The following MSI2 variants were observed in gnomAD, a reference collection of about 807,000 sequenced individuals.
MSI2 encodes the protein musashi RNA binding protein 2.
A neutral mutation model predicts 45.6 loss-of-function variants in MSI2; 17 were observed. That is an observed-to-expected ratio of 0.37 (90% CI 0.26 to 0.56). The LOEUF (loss-of-function observed/expected upper bound fraction) is 0.56, where lower values mean the gene tolerates loss of function less well. MSI2 is among the 20% of genes least tolerant of loss of function. MSI2 has a pLI of 0.77. For synonymous variants in MSI2, 156 were observed against 158.2 expected (o/e 0.99, Z 0.11); for missense variants, 293 against 444.2 (o/e 0.66, Z 3.06).
chr17:57,477,145 GGTGT>G (rs59127306), intron 6 of MSI2, among the ~76,000 whole-genome samples: 11,236 of 118,298 alleles, frequency 0.095, 676 homozygotes, highest in African/African-American at 0.16. Context: ...CATAAGGCCT[GGTGT>G]GTGTGTGTGT....
At position 57,554,242 on chromosome 17, in the gene MSI2, G is replaced by A. The variant is rs375081121; in HGVS notation, c.454+24518G>A. On this transcript the variant is annotated intron_variant, in intron 7 of 13. Coordinates refer to ENST00000284073, the MANE Select transcript of MSI2 (RefSeq NM_138962.4). ...ATCAAGAGTTTGGGGCGGGGGAGGG[G>A]GGGGATGGTTCTTAAAAATGCAGAG... Among the ~76,000 whole-genome samples, 6 of 152,064 alleles carry A rather than the reference G, an allele frequency of 3.9e-5. No individual in the cohort carries two copies. The East Asian group carries it at 1.2e-3, about 29-fold the overall frequency.
At chr17:57,632,967 C>A (rs1909531777) in intron 10 of MSI2, 5 of 1,051,772 alleles carry the variant, frequency 4.8e-6, no homozygotes, top group South Asian at 9.1e-5. Context: ...TTTCAAAGAA[C>A]AAATCTGTAT....
intron 5 of MSI2, among the ~76,000 whole-genome samples, chr17:57,314,700 T>C (rs925465333): frequency 2.7e-5 from 4 of 150,244 alleles, no homozygotes; most frequent in Non-Finnish European, 4.4e-5. Flanking sequence ...GCCTCCCGAA[T>C]AGCTGGGATT....
intron 5 of MSI2, among the ~76,000 whole-genome samples, chr17:57,320,731 G>A (rs555363211): frequency 3.3e-5 from 5 of 152,244 alleles, no homozygotes; most frequent in Admixed American, 6.5e-5. Context: ...CCCTGGCCCC[G>A]TCTTAGGGTA....
intron 7 of MSI2, among the ~76,000 whole-genome samples, chr17:57,561,820 C>G: frequency 6.6e-6 from 1 of 152,140 alleles, no homozygotes; most frequent in East Asian, 1.9e-4. Flanking sequence ...TGGAAGGTGC[C>G]TACCTAAGCA....
At chr17:57,276,605 G>A (rs930468973) in intron 5 of MSI2, among the ~76,000 whole-genome samples, 12 of 152,218 alleles carry the variant, frequency 7.9e-5, no homozygotes, top group Admixed American at 6.5e-4. Flanking sequence ...AGAACTTGAG[G>A]GAGGAACAAG....
Position 57,652,118 on chromosome 17 carries a change from T to C in MSI2, c.747T>C (p.Tyr249=), listed in dbSNP as rs779411518. 3.1e-6 allele frequency: 5 copies of C among 1,614,006 alleles called. No homozygotes were observed. The African/African-American group carries it at 4.0e-5, about 13-fold the overall frequency. The part of the protein sequence containing the change: ...YQFPGFPAAA[Y]GPVAAAAVAA... ...GACCAGGCTTCCCAGCAGCGGCTTA[T>C]GGACCAGTGGCAGCAGCGGCGGTGG... Residue 249 remains tyrosine, a synonymous_variant, in exon 11 of 14, where the codon TAT becomes TAC. Transcript: ENST00000284073. This position sits in a 1 kb window ranked among gnomAD's most constrained non-coding sequence, Gnocchi z 4.1.
intron 8 of MSI2, among the ~76,000 whole-genome samples, chr17:57,606,855 G>C (rs1021844885): frequency 2.0e-5 from 3 of 151,980 alleles, no homozygotes; most frequent in African/African-American, 2.4e-5. Flanking sequence ...CTTGAGGGTT[G>C]GGTGGAGAGT....
At chr17:57,490,684 G>C (rs2085852835) in intron 6 of MSI2, among the ~76,000 whole-genome samples, 1 of 152,170 alleles carries the variant, frequency 6.6e-6, no homozygotes. Flanking sequence ...CATGTTTCAA[G>C]ATATCACAGG....
At chr17:57,445,875 G>A (rs995636109) in intron 6 of MSI2, among the ~76,000 whole-genome samples, 2 of 152,130 alleles carry the variant, frequency 1.3e-5, no homozygotes, top group Non-Finnish European at 2.9e-5. Context: ...TATTCTAGGG[G>A]CTTAGGAGAG....
chr17:57,633,760 C>A (rs1909614116), intron 10 of MSI2, among the ~76,000 whole-genome samples: 1 of 152,170 alleles, frequency 6.6e-6, no homozygotes, highest in Admixed American at 6.5e-5. Flanking sequence ...TGAGTTGTTA[C>A]AATTAAGGGA....
chr17:57,399,833 A>C (rs2083956388), intron 5 of MSI2, among the ~76,000 whole-genome samples: 1 of 152,228 alleles, frequency 6.6e-6, no homozygotes, highest in Non-Finnish European at 1.5e-5. Context: ...GGTCACACCC[A>C]GAGTTAGACC....
At chr17:57,541,928 C>T (rs527584446) in intron 7 of MSI2, among the ~76,000 whole-genome samples, 1 of 152,184 alleles carries the variant, frequency 6.6e-6, no homozygotes, top group East Asian at 1.9e-4. Flanking sequence ...GTTCTAGCAC[C>T]CTAGGCAAAG....
chr17:57,302,995 T>C lies in MSI2; in HGVS notation c.312+40803T>C, dbSNP rs78979215. On this transcript the variant is annotated intron_variant, in intron 5 of 13. Transcript: ENST00000284073. ...GGGAGAAACAGCAACACACTTTTCA[T>C]AGGGAGGGATGAGGGAAAAAGGACC... Among the ~76,000 whole-genome samples the C allele has an allele frequency of 2.6e-5, 4 of 151,978 alleles. 1 individual carries two copies. In the South Asian group the frequency reaches 8.3e-4, roughly 32 times the overall value.
chr17:57,336,751 C>G (rs372212911), intron 5 of MSI2, among the ~76,000 whole-genome samples: 1 of 152,104 alleles, frequency 6.6e-6, no homozygotes, highest in Admixed American at 6.5e-5. Context: ...TGAGCTCTTG[C>G]GTGCGAGGAA....
chr17:57,349,336 A>T (rs1026439186), intron 5 of MSI2, among the ~76,000 whole-genome samples: 5 of 152,054 alleles, frequency 3.3e-5, no homozygotes, highest in Non-Finnish European at 7.3e-5. Flanking sequence ...TCCATCCCTG[A>T]GCTCACTAGA....
the MSI2 span, among the ~76,000 whole-genome samples, chr17:57,692,830 T>G: frequency 6.6e-6 from 1 of 151,760 alleles, no homozygotes; most frequent in African/African-American, 2.4e-5. Context: ...TAATTTTACC[T>G]CTCTCTCTCT....
At chr17:57,390,988 A>G (rs949416588) in intron 5 of MSI2, among the ~76,000 whole-genome samples, 1 of 152,228 alleles carries the variant, frequency 6.6e-6, no homozygotes. Context: ...TTCTGTTTAC[A>G]GGGAACTTTG....
chr17:57,530,954 G>A (rs1297595230), intron 7 of MSI2, among the ~76,000 whole-genome samples: 2 of 151,890 alleles, frequency 1.3e-5, no homozygotes, highest in Non-Finnish European at 2.9e-5. Flanking sequence ...TGGTATTTAT[G>A]GAGGGAAGAG....
Sources: gnomAD v4.1 joint callset for allele counts (sites outside exome capture counted in the v4.1 genomes callset) on GRCh38, gnomAD v4.1.1 for gene constraint, Gnocchi (gnomAD v3.1) non-coding constraint, MANE v1.5 for transcripts, NCBI Gene and HGNC (gene_info 2026-07-23, HGNC 2026-07-21) for gene names.